The following PCCA variants were observed in gnomAD, a reference collection of about 807,000 sequenced individuals.
PCCA encodes the protein propionyl-CoA carboxylase alpha chain, mitochondrial.
PCCA carries 74 observed loss-of-function variants against 101.3 expected under a neutral mutation model. The observed-to-expected ratio is 0.73, with a 90% CI of 0.61 to 0.89. PCCA has a LOEUF of 0.89. PCCA is among the 40% of genes least tolerant of loss of function. The pLI is 0.00. For missense variants in PCCA, 891 were observed against 907.0 expected, an observed-to-expected ratio of 0.98 and a Z score of 0.23; for synonymous variants, 294 against 313.6, an observed-to-expected ratio of 0.94 and a Z score of 0.66.
At chr13:100,492,750 C>G (rs2084995992) in intron 21 of PCCA, among the ~76,000 whole-genome samples, 2 of 150,682 alleles carry the variant, frequency 1.3e-5, no homozygotes, top group East Asian at 4.0e-4. Flanking sequence ...AGAAGAGTGG[C>G]AGAGCAGTGC....
At chr13:100,484,521 G>C (rs561844688) in intron 21 of PCCA, among the ~76,000 whole-genome samples, 1 of 152,086 alleles carries the variant, frequency 6.6e-6, no homozygotes, top group African/African-American at 2.4e-5. Flanking sequence ...TAAACAACAC[G>C]TTCAGGATCT....
chr13:100,157,542 A>G (rs1289737839), intron 6 of PCCA, among the ~76,000 whole-genome samples: 3 of 152,246 alleles, frequency 2.0e-5, no homozygotes, highest in Non-Finnish European at 2.9e-5. Flanking sequence ...AAAAGTTTAC[A>G]AAATCACCAT....
intron 6 of PCCA, among the ~76,000 whole-genome samples, chr13:100,157,572 C>T (rs1199782164): frequency 6.6e-6 from 1 of 152,054 alleles, no homozygotes; most frequent in Non-Finnish European, 1.5e-5. Flanking sequence ...TGAATGATAC[C>T]TGGTTTATTA....
At chr13:100,516,861 G>A (rs1218748946) in intron 22 of PCCA, among the ~76,000 whole-genome samples, 1 of 151,940 alleles carries the variant, frequency 6.6e-6, no homozygotes, top group East Asian at 1.9e-4. Context: ...TCACTTGCAC[G>A]TGACATTATC....
chr13:100,357,850 T>C (rs1465138979), intron 18 of PCCA, among the ~76,000 whole-genome samples: 1 of 152,168 alleles, frequency 6.6e-6, no homozygotes, highest in Admixed American at 6.5e-5. Context: ...AGGGATATCA[T>C]GGCAGAAAGG....
chr13:100,391,081 G>T (rs1294768572), intron 19 of PCCA, among the ~76,000 whole-genome samples: 9 of 151,800 alleles, frequency 5.9e-5, no homozygotes, highest in South Asian at 4.2e-4. Flanking sequence ...GCAGTGGCAC[G>T]ATCTTGGCTC....
rs369500771 is a variant in PCCA at position 100,247,403 on chromosome 13, A to T, written c.638-10192A>T. 4.6e-4 allele frequency among the ~76,000 whole-genome samples: 69 copies of T among 149,566 alleles called. No individual in the cohort carries two copies. In the South Asian group the frequency reaches 0.014, roughly 31 times the overall value. ...GGCTAATTTTTTGTATTTTCAGTAGAGACGAGGTTTCACCATATTAGCCAG... is the reference window on the plus strand; with the variant it reads ...GGCTAATTTTTTGTATTTTCAGTAGTGACGAGGTTTCACCATATTAGCCAG... On this transcript the variant is annotated intron_variant, in intron 8 of 23. Coordinates refer to ENST00000376285, the MANE Select transcript of PCCA (RefSeq NM_000282.4).
At chr13:100,403,958 A>G (rs1213165544) in intron 19 of PCCA, among the ~76,000 whole-genome samples, 1 of 152,126 alleles carries the variant, frequency 6.6e-6, no homozygotes, top group African/African-American at 2.4e-5. Context: ...AAGTACATCT[A>G]ACTGCCATTA....
intron 17 of PCCA, among the ~76,000 whole-genome samples, chr13:100,339,529 C>T (rs2070994470): frequency 1.3e-5 from 2 of 152,204 alleles, no homozygotes; most frequent in African/African-American, 4.8e-5. Flanking sequence ...TACGCAAATT[C>T]TTCAATCAGT....
chr13:100,264,004 CGT>C (rs753383496), intron 10 of PCCA, among the ~76,000 whole-genome samples: 90 of 144,960 alleles, frequency 6.2e-4, no homozygotes, highest in African/African-American at 2.1e-3. Flanking sequence ...ATCTGTATAT[CGT>C]ATATATACGG....
intron 21 of PCCA, among the ~76,000 whole-genome samples, chr13:100,500,998 C>T (rs573199346): frequency 3.0e-4 from 46 of 152,058 alleles, no homozygotes; most frequent in African/African-American, 9.9e-4. Flanking sequence ...AAAAATTAGC[C>T]GGGTGTGGTG....
intron 8 of PCCA, among the ~76,000 whole-genome samples, chr13:100,256,742 T>C (rs971365148): frequency 6.6e-6 from 1 of 152,142 alleles, no homozygotes; most frequent in Non-Finnish European, 1.5e-5. Flanking sequence ...ACTGAGCTCT[T>C]TTTTCTTCAG....
intron 18 of PCCA, among the ~76,000 whole-genome samples, chr13:100,354,454 A>G (rs1432191848): frequency 6.6e-6 from 1 of 152,098 alleles, no homozygotes; most frequent in African/African-American, 2.4e-5. Context: ...CCACTTCAGG[A>G]AACATGGAAA....
At chr13:100,335,075 C>G (rs1266311211) in intron 17 of PCCA, among the ~76,000 whole-genome samples, 1 of 152,102 alleles carries the variant, frequency 6.6e-6, no homozygotes, top group African/African-American at 2.4e-5. Flanking sequence ...AGTTAGAAAT[C>G]TTAGAATAGT....
intron 19 of PCCA, among the ~76,000 whole-genome samples, chr13:100,385,368 G>A (rs748241074): frequency 1.8e-4 from 27 of 152,162 alleles, no homozygotes; most frequent in Non-Finnish European, 3.7e-4. Context: ...AAAATTTGCA[G>A]TTCATTTTAG....
rs2063112079 is a variant in PCCA at position 100,268,783 on chromosome 13, G to A, written c.914G>A (p.Ser305Asn). The A allele has an allele frequency of 6.2e-7, 1 of 1,605,316 alleles. No homozygotes were observed. Among genetic ancestry groups the A allele is most frequent in the Non-Finnish European group, 8.5e-7 (1 of 1,171,890 alleles). Residue 305 changes from serine (S) to asparagine (N), a missense_variant and splice_region_variant, in exon 11 of 24, where the codon AGC becomes AAC. Transcript: ENST00000376285. ...RNQKVVEEAP[S>N]IFLDAETRRA... ...CAGAAGGTGGTGGAGGAAGCACCAA[G>A]GTAAGTCTCCTAAGAAACATTTATA...
intron 21 of PCCA, among the ~76,000 whole-genome samples, chr13:100,478,922 C>G (rs986164069): frequency 6.6e-6 from 1 of 152,170 alleles, no homozygotes; most frequent in African/African-American, 2.4e-5. Flanking sequence ...CAACTTTTCT[C>G]TCTGCACAGG....
chr13:100,324,762 G>A (rs775250600), intron 16 of PCCA, among the ~76,000 whole-genome samples: 1 of 152,168 alleles, frequency 6.6e-6, no homozygotes, highest in Non-Finnish European at 1.5e-5. Context: ...CTATTGCAGT[G>A]AGTTCAAGTG....
At chr13:100,150,587 CT>C in intron 4 of PCCA, 2 of 1,216,842 alleles carry the variant, frequency 1.6e-6, no homozygotes, top group South Asian at 1.2e-5. Flanking sequence ...GGCCAGGGCT[CT>C]TTTGGCCTGC....
Sources: allele counts gnomAD v4.1 joint callset (sites outside exome capture counted in the v4.1 genomes callset), GRCh38; gene constraint gnomAD v4.1.1; transcripts MANE v1.5; gene names NCBI Gene and HGNC (gene_info 2026-07-23, HGNC 2026-07-21).